HSD17B12: variants seen among roughly 807,000 people sequenced by gnomAD.
HSD17B12 encodes hydroxysteroid 17-beta dehydrogenase 12.
A neutral mutation model predicts 39.3 loss-of-function variants in HSD17B12; 32 were observed. The ratio of observed to expected loss-of-function variants is 0.81; its 90% CI spans 0.61 to 1.09. The LOEUF (loss-of-function observed/expected upper bound fraction) is 1.09. HSD17B12 is among the 50% of genes least tolerant of loss of function. The probability of loss-of-function intolerance (pLI) is 0.00; values close to 1 mark genes in which losing one functional copy is unlikely to be tolerated. For missense variants in HSD17B12, 342 were observed against 382.9 expected (o/e 0.89, Z 0.89); for synonymous variants, 150 against 146.7 (o/e 1.02, Z -0.16).
chr11:43,780,206 C>T (rs1950750918), intron 3 of HSD17B12, among the ~76,000 whole-genome samples: 1 of 151,976 alleles, frequency 6.6e-6, no homozygotes, highest in Non-Finnish European at 1.5e-5. Context: ...ACTCTTGTCG[C>T]CCAGGCTAGA....
intron 3 of HSD17B12, among the ~76,000 whole-genome samples, chr11:43,797,858 T>C (rs997361346): frequency 6.6e-6 from 1 of 152,206 alleles, no homozygotes; most frequent in African/African-American, 2.4e-5. Context: ...TTTATTTCCA[T>C]TGTGATAAGA....
the HSD17B12 span, among the ~76,000 whole-genome samples, chr11:43,674,433 A>G: frequency 1.3e-5 from 2 of 152,216 alleles, no homozygotes; most frequent in Non-Finnish European, 2.9e-5. Context: ...AGATAAAACA[A>G]TTAGTATTCC....
intron 9 of HSD17B12, among the ~76,000 whole-genome samples, chr11:43,842,215 C>G (rs1404074791): frequency 1.3e-5 from 2 of 152,138 alleles, no homozygotes; most frequent in Non-Finnish European, 2.9e-5. Flanking sequence ...TGTAGAGCAT[C>G]AAGATGGGTG....
the HSD17B12 span, chr11:43,581,300 T>A: frequency 2.1e-6 from 1 of 467,586 alleles, no homozygotes; most frequent in Non-Finnish European, 4.4e-6. The surrounding 1 kb of genome is among the most constrained non-coding windows in gnomAD (Gnocchi z 4.9). Flanking sequence ...TGAGCCGCGA[T>A]GGAACGCGCT....
chr11:43,691,044 C>T (rs1250664849), intron 1 of HSD17B12, among the ~76,000 whole-genome samples: 3 of 152,174 alleles, frequency 2.0e-5, no homozygotes, highest in Non-Finnish European at 2.9e-5. Context: ...TTATCAAAGT[C>T]GTCAATTTTA....
intron 1 of HSD17B12, among the ~76,000 whole-genome samples, chr11:43,689,670 C>G (rs1949833918): frequency 2.0e-5 from 3 of 152,124 alleles, no homozygotes; most frequent in Admixed American, 2.0e-4. Flanking sequence ...CCTCAGCCCC[C>G]CAAGTAGCTG....
chr11:43,617,462 G>A, the HSD17B12 span, among the ~76,000 whole-genome samples: 1 of 152,086 alleles, frequency 6.6e-6, no homozygotes, highest in Non-Finnish European at 1.5e-5. Context: ...ATCTTTAGCT[G>A]AGAGTTGAGA....
At chr11:43,672,612 A>G in the HSD17B12 span, among the ~76,000 whole-genome samples, 1 of 151,944 alleles carries the variant, frequency 6.6e-6, no homozygotes, top group Admixed American at 6.6e-5. Flanking sequence ...CAGTGGTGCG[A>G]TCTTGGCTCA....
At chr11:43,812,695 C>G (rs1342656087) in intron 4 of HSD17B12, among the ~76,000 whole-genome samples, 2 of 152,148 alleles carry the variant, frequency 1.3e-5, no homozygotes, top group Non-Finnish European at 2.9e-5. Context: ...TGATTATTTC[C>G]TTTGCTGTGC....
At chr11:43,754,806 G>T in intron 3 of HSD17B12, 2 of 739,362 alleles carry the variant, frequency 2.7e-6, no homozygotes, top group Middle Eastern at 2.3e-4. Context: ...ACACATATGT[G>T]TTAGGAAAAA....
chr11:43,820,936 T>G (rs904978005), intron 6 of HSD17B12, among the ~76,000 whole-genome samples: 4 of 152,214 alleles, frequency 2.6e-5, no homozygotes, highest in African/African-American at 4.8e-5. Flanking sequence ...GTAGGTCAGA[T>G]GATTGTAAAA....
At chr11:43,564,259 A>T in the HSD17B12 span, among the ~76,000 whole-genome samples, 1 of 152,244 alleles carries the variant, frequency 6.6e-6, no homozygotes, top group Non-Finnish European at 1.5e-5. Flanking sequence ...AGAGAGCCAG[A>T]GAAGACCTGC....
At chr11:43,670,711 C>A in the HSD17B12 span, among the ~76,000 whole-genome samples, 3 of 152,006 alleles carry the variant, frequency 2.0e-5, no homozygotes, top group African/African-American at 2.4e-5. Context: ...GGCGACATAG[C>A]AAGGCCTTGT....
At chr11:43,585,202 A>C in the HSD17B12 span, among the ~76,000 whole-genome samples, 1 of 152,334 alleles carries the variant, frequency 6.6e-6, no homozygotes, top group South Asian at 2.1e-4. Flanking sequence ...GTAAGGCATT[A>C]AACTCTAAAT....
upstream of HSD17B12, among the ~76,000 whole-genome samples, chr11:43,678,614 A>C (rs1471604356): frequency 6.6e-6 from 1 of 152,088 alleles, no homozygotes; most frequent in Non-Finnish European, 1.5e-5. Flanking sequence ...TTTTTGTATA[A>C]GGTGTAAGGA....
chr11:43,681,307 G>T (rs1230512391), intron 1 of HSD17B12: 4 of 306,214 alleles, frequency 1.3e-5, no homozygotes, highest in Non-Finnish European at 2.2e-5. Context: ...GAGCCAGTCA[G>T]TCGCCCTGCT....
At chr11:43,776,847 A>AC (rs1950710252) in intron 3 of HSD17B12, among the ~76,000 whole-genome samples, 1 of 152,070 alleles carries the variant, frequency 6.6e-6, no homozygotes, top group Non-Finnish European at 1.5e-5. Flanking sequence ...TCCCAGCACC[A>AC]TTTATTAAAT....
intron 9 of HSD17B12, among the ~76,000 whole-genome samples, chr11:43,844,981 G>GTTGTTTGT (rs71308376): frequency 4.5e-4 from 68 of 151,248 alleles, no homozygotes; most frequent in East Asian, 3.4e-3. Context: ...AAAATAAGGG[G>GTTGTTTGT]TTGTTTGTTT....
chr11:43,762,703 T>C lies in HSD17B12; in HGVS notation c.283+8582T>C, dbSNP rs145350102. Among the ~76,000 whole-genome samples the C allele has an allele frequency of 2.5e-4, 38 of 152,314 alleles. No individual in the cohort carries two copies. In the East Asian group the frequency reaches 7.3e-3, roughly 29 times the overall value. On this transcript the variant is annotated intron_variant, in intron 3 of 10. Coordinates refer to ENST00000278353, the MANE Select transcript of HSD17B12 (RefSeq NM_016142.3). ...AGGGTATGAGCCTTATCATGGACAT[T>C]AAAGGAATTGATACCTCCAGAGACT...
Sources: allele counts gnomAD v4.1 joint callset (sites outside exome capture counted in the v4.1 genomes callset), GRCh38; gene constraint gnomAD v4.1.1; non-coding constraint Gnocchi (gnomAD v3.1); transcripts MANE v1.5; gene names NCBI Gene and HGNC (gene_info 2026-07-23, HGNC 2026-07-21).